SEC22A: variants seen among roughly 807,000 people sequenced by gnomAD.
SEC22A encodes SEC22 homolog A, vesicle trafficking protein.
In SEC22A, 22 loss-of-function variants were observed where a neutral mutation model predicts 35.3. The ratio of observed to expected loss-of-function variants is 0.62; its 90% CI spans 0.45 to 0.89. The LOEUF is 0.89. SEC22A is among the 40% of genes least tolerant of loss of function. The pLI is 0.00. For missense variants in SEC22A, 354 were observed against 362.5 expected, an observed-to-expected ratio of 0.98 and a Z score of 0.19; for synonymous variants, 119 against 129.5, an observed-to-expected ratio of 0.92 and a Z score of 0.55.
chr3:123,262,683 T>C (rs1937919680), intron 6 of SEC22A, among the ~76,000 whole-genome samples: 1 of 152,216 alleles, frequency 6.6e-6, no homozygotes, highest in Non-Finnish European at 1.5e-5. Context: ...TAGGCTAGGC[T>C]AAGCTATGAT....
At chr3:123,268,414 T>C (rs1249447619) in intron 6 of SEC22A, among the ~76,000 whole-genome samples, 1 of 152,226 alleles carries the variant, frequency 6.6e-6, no homozygotes, top group African/African-American at 2.4e-5. Context: ...GTGGCATTCT[T>C]GGATCTCAAG....
chr3:123,273,080 G>GA lies in SEC22A; in HGVS notation c.*1362dup, dbSNP rs1938209768. The GA allele has an allele frequency of 6.5e-6, 1 of 153,236 alleles. No individual in the cohort carries two copies. Among genetic ancestry groups the GA allele is most frequent in the Non-Finnish European group, 1.5e-5 (1 of 67,998 alleles). 9.5% of individuals were successfully genotyped at this position (153,236 alleles called of 1,614,324 possible). ...GGGTGATTTTCCTTTGTTTTTTAAA[G>GA]AAAATATTTCAAACAAGGAATTCAT... On this transcript the variant is annotated 3_prime_UTR_variant, in exon 7 of 7. Transcript: ENST00000492595.
At chr3:123,267,044 G>T (rs963184092) in intron 6 of SEC22A, among the ~76,000 whole-genome samples, 6 of 151,860 alleles carry the variant, frequency 4.0e-5, no homozygotes, top group African/African-American at 9.7e-5. Context: ...GAAATATTTT[G>T]ATATTTATCT....
chr3:123,202,859 A>G (rs1328385118), intron 1 of SEC22A, among the ~76,000 whole-genome samples: 1 of 152,108 alleles, frequency 6.6e-6, no homozygotes, highest in Admixed American at 6.6e-5. Flanking sequence ...CAAACTCTGA[A>G]TCACTTTCCA....
intron 2 of SEC22A, among the ~76,000 whole-genome samples, chr3:123,222,081 A>G (rs1285617068): frequency 6.6e-6 from 1 of 151,840 alleles, no homozygotes; most frequent in Non-Finnish European, 1.5e-5. Flanking sequence ...TCTACTGCCA[A>G]CTTTCCTTTT....
chr3:123,258,353 C>A (rs1937791875), intron 5 of SEC22A, among the ~76,000 whole-genome samples: 2 of 151,796 alleles, frequency 1.3e-5, no homozygotes, highest in African/African-American at 4.8e-5. Flanking sequence ...TTTGTATAAT[C>A]TGTATTTTCC....
chr3:123,225,883 T>A (rs1455752120), intron 4 of SEC22A, among the ~76,000 whole-genome samples: 1 of 152,178 alleles, frequency 6.6e-6, no homozygotes. Flanking sequence ...AAAATTCTAC[T>A]CTCTTATCTC....
At position 123,245,953 on chromosome 3, in the gene SEC22A, G is replaced by A; in HGVS notation, c.596G>A (p.Ser199Asn). The change falls in exon 5 of 7, where the codon AGT becomes AAT. Residue 199 changes from serine to asparagine, a missense_variant. Coordinates refer to ENST00000492595, the MANE Select transcript of SEC22A (RefSeq NM_012430.5). ...TCAGGGATTGTAGGATTTATCCTTAGTCTTTTATGTGGAGCTCTGAATTTA... is the reference window on the plus strand; with the variant it reads ...TCAGGGATTGTAGGATTTATCCTTAATCTTTTATGTGGAGCTCTGAATTTA... ...TLSGIVGFIL[S>N]LLCGALNLIR... The A allele has an allele frequency of 6.2e-7, 1 of 1,613,316 alleles. No individual in the cohort carries two copies. The highest frequency in any genetic ancestry group is 8.5e-7 in the Non-Finnish European group (1 of 1,179,384).
At chr3:123,230,894 A>G (rs1392497474) in intron 4 of SEC22A, among the ~76,000 whole-genome samples, 2 of 152,104 alleles carry the variant, frequency 1.3e-5, no homozygotes, top group South Asian at 2.1e-4. Flanking sequence ...GTAAAAATAA[A>G]AACACAAGAT....
rs1394170436 is a variant in SEC22A, at chr3:123,209,339, C to T, written c.122C>T (p.Ser41Leu). Residue 41 changes from serine to leucine, a missense_variant, in exon 2 of 7, where the codon TCG becomes TTG. Transcript: ENST00000492595. ...QECRKYFKMLSRKLAQLPDRC... is the reference protein window; with the variant it reads ...QECRKYFKMLLRKLAQLPDRC... ...TGCAGAAAGTATTTTAAAATGCTTT[C>T]GAGGAAACTTGCTCAACTTCCTGAT... 2.5e-6 allele frequency: 4 copies of T among 1,613,830 alleles called. No homozygotes were observed. Among genetic ancestry groups the T allele is most frequent in the Non-Finnish European group, 3.4e-6 (4 of 1,179,928 alleles).
At chr3:123,212,209 T>C (rs1559751056) in intron 2 of SEC22A, among the ~76,000 whole-genome samples, 2 of 152,150 alleles carry the variant, frequency 1.3e-5, no homozygotes, top group African/African-American at 4.8e-5. Flanking sequence ...GGTTAGAACC[T>C]TGGAGAATGT....
intron 4 of SEC22A, among the ~76,000 whole-genome samples, chr3:123,238,488 G>A (rs939653288): frequency 3.3e-5 from 5 of 152,118 alleles, no homozygotes; most frequent in African/African-American, 1.2e-4. Context: ...GCGCCACCAC[G>A]CCCAGCCTAG....
chr3:123,265,936 G>A (rs940884568), intron 6 of SEC22A, among the ~76,000 whole-genome samples: 3 of 152,088 alleles, frequency 2.0e-5, no homozygotes, highest in Non-Finnish European at 4.4e-5. Flanking sequence ...ACATAGTCTC[G>A]ATTACTGTAG....
At chr3:123,271,417 A>G (rs1938155397) in intron 6 of SEC22A, 105 bp from the exon 7 acceptor site, 4 of 833,836 alleles carry the variant, frequency 4.8e-6, no homozygotes, top group Non-Finnish European at 5.7e-6. Flanking sequence ...AAATAACCTT[A>G]TCCATTCTTA....
At chr3:123,207,383 A>G (rs1185714232) in intron 1 of SEC22A, among the ~76,000 whole-genome samples, 2 of 151,998 alleles carry the variant, frequency 1.3e-5, no homozygotes, top group Non-Finnish European at 2.9e-5. Flanking sequence ...ATTGACCTAG[A>G]TTAAGTGGGC....
At chr3:123,235,058 A>G (rs1446510271) in intron 4 of SEC22A, among the ~76,000 whole-genome samples, 1 of 151,906 alleles carries the variant, frequency 6.6e-6, no homozygotes, top group Non-Finnish European at 1.5e-5. Flanking sequence ...GGACATCATC[A>G]AAGCTAAAAA....
chr3:123,271,435 C>T (rs899895909), intron 6 of SEC22A, 87 bp from the exon 7 acceptor site: 19 of 1,066,696 alleles, frequency 1.8e-5, no homozygotes, highest in African/African-American at 1.4e-4. Flanking sequence ...TTATATTTTA[C>T]TCTCTGACCT....
chr3:123,263,581 A>T (rs6797000), intron 6 of SEC22A, among the ~76,000 whole-genome samples: 29,692 of 151,804 alleles, frequency 0.2, 2,954 homozygotes, highest in Middle Eastern at 0.26. Context: ...CAGTGGCGCG[A>T]TCTTGGCTCA....
At chr3:123,224,145 G>A (rs184410920) in intron 3 of SEC22A, among the ~76,000 whole-genome samples, 6 of 152,134 alleles carry the variant, frequency 3.9e-5, no homozygotes, top group Non-Finnish European at 5.9e-5. Flanking sequence ...GTTGTAGCTC[G>A]AAAGCAGCCA....
Sources: allele counts gnomAD v4.1 joint callset (sites outside exome capture counted in the v4.1 genomes callset), GRCh38; gene constraint gnomAD v4.1.1; transcripts MANE v1.5; gene names NCBI Gene and HGNC (gene_info 2026-07-23, HGNC 2026-07-21).